Variants in TMC3 observed in about 807,000 individuals in gnomAD.
TMC3 encodes transmembrane channel like 3, also known as transmembrane channel-like protein 3.
A neutral mutation model predicts 110.6 loss-of-function variants in TMC3; 98 were observed. The observed-to-expected ratio is 0.89, with a 90% CI of 0.75 to 1.05. The LOEUF is 1.05. TMC3 is among the 50% of genes least tolerant of loss of function. TMC3 has a pLI of 0.00. For missense variants in TMC3, 1,319 were observed against 1,373.2 expected (o/e 0.96, Z 0.62); for synonymous variants, 489 against 513.1 (o/e 0.95, Z 0.63).
intron 3 of TMC3, among the ~76,000 whole-genome samples, chr15:81,363,690 C>G (rs1555429285): frequency 6.6e-6 from 1 of 152,228 alleles, no homozygotes; most frequent in Non-Finnish European, 1.5e-5. Flanking sequence ...AAATTCTCCT[C>G]TTTGTAAACT....
chr15:81,342,946 C>T (rs1224830768), intron 15 of TMC3: 1 of 234,744 alleles, frequency 4.3e-6, no homozygotes, highest in African/African-American at 2.3e-5. Flanking sequence ...CCCGCAGCCA[C>T]TCCTGAAGTC....
rs929833580 is a variant in TMC3 at position 81,332,119 on chromosome 15, C to G, written c.*300G>C. On this transcript the variant is annotated 3_prime_UTR_variant, in exon 22 of 22. Transcript: ENST00000359440. ...CCTCAGTCTCTCCTTCTGTCTTGAG[C>G]CCCTCTGCCAAATTCTTTCTTCCGA... is the stretch of plus-strand genomic sequence containing the variant. 6.2e-6 allele frequency: 2 copies of G among 325,018 alleles called. No homozygotes were observed. Among genetic ancestry groups the G allele is most frequent in the African/African-American group, 4.3e-5 (2 of 46,958 alleles). 20.1% of individuals were successfully genotyped at this position (325,018 alleles called of 1,614,324 possible).
intron 11 of TMC3, among the ~76,000 whole-genome samples, chr15:81,348,323 G>A (rs897732438): frequency 1.3e-5 from 2 of 152,254 alleles, no homozygotes; most frequent in Non-Finnish European, 2.9e-5. Context: ...AGACCAGGTT[G>A]AAGGTGAGAT....
At position 81,332,571 on chromosome 15, in the gene TMC3, C is replaced by G; in HGVS notation, c.3151G>C (p.Asp1051His). 4 of 1,613,966 alleles carry G rather than the reference C, an allele frequency of 2.5e-6. No individual in the cohort carries two copies. In the South Asian group the frequency reaches 4.4e-5, roughly 18 times the overall value. ...TGGTCAGCGCTGCTGTTCTGCTGGT[C>G]ACTGCTGGATGCTGCCGACACGGAG... ...SDSVSAASSS[D>H]QQNSSADQYL... The change falls in exon 22 of 22, where the codon GAC becomes CAC. Residue 1051 changes from aspartate (D) to histidine (H), a missense_variant. Asp to His is a moderately conservative substitution (Grantham distance 81). Coordinates refer to ENST00000359440, the MANE Select transcript of TMC3 (RefSeq NM_001080532.3).
rs183441621 is a variant in TMC3 at position 81,361,258 on chromosome 15, G to T, written c.394+962C>A. Among the ~76,000 whole-genome samples, 471 of 151,978 alleles carry T rather than the reference G, an allele frequency of 3.1e-3. 4 individuals carry two copies. Among genetic ancestry groups the T allele is most frequent in the African/African-American group, 0.011 (452 of 41,442 alleles). ...TTATGATTAGATATGTCTCCATTCT[G>T]CATTCATACCATCAATTTTAAGTGA... On this transcript the variant is annotated intron_variant, in intron 4 of 21. Coordinates refer to ENST00000359440, the MANE Select transcript of TMC3 (RefSeq NM_001080532.3).
intron 3 of TMC3, among the ~76,000 whole-genome samples, chr15:81,367,381 A>G (rs1207572707): frequency 1.3e-5 from 2 of 152,256 alleles, no homozygotes; most frequent in African/African-American, 4.8e-5. Context: ...ATAATTATGC[A>G]ATGACTGATG....
At chr15:81,368,879 T>C (rs1894374396) in intron 2 of TMC3, among the ~76,000 whole-genome samples, 1 of 151,494 alleles carries the variant, frequency 6.6e-6, no homozygotes, top group South Asian at 2.1e-4. Flanking sequence ...TAACCTGATA[T>C]CTCTGCCTAA....
rs1567058916 is a variant in TMC3, at chr15:81,331,782, G to A, written c.*637C>T. On this transcript the variant is annotated 3_prime_UTR_variant, in exon 22 of 22. Transcript: ENST00000359440. ...AAGAGACAAAATGGAGCATTCCCCT[G>A]GTAAGGGAAGAACCTCGAGTGAGCG... The A allele has an allele frequency of 6.6e-6, 1 of 152,032 alleles. No individual in the cohort carries two copies. Among genetic ancestry groups the A allele is most frequent in the Non-Finnish European group, 1.5e-5 (1 of 68,040 alleles). 9.4% of individuals were successfully genotyped at this position (152,032 alleles called of 1,614,324 possible). A position where few individuals can be genotyped will look rare whatever the true frequency, so the allele number is the denominator to read the frequency against.
Position 81,334,733 on chromosome 15 carries a change from G to A in TMC3, c.2446C>T (p.His816Tyr). The change falls in exon 21 of 22, where the codon CAT becomes TAT. Residue 816 changes from histidine (H) to tyrosine (Y), a missense_variant. Coordinates refer to ENST00000359440, the MANE Select transcript of TMC3 (RefSeq NM_001080532.3). ...LPGVPKSRLE[H>Y]ETNRYLHGLC... ...GTGGAGCCTCACCTGTTAGTTTCAT[G>A]CTCTAGCCTGGATTTGGGGACCCCA... is the stretch of plus-strand genomic sequence containing the variant. 2 of 1,613,856 alleles carry A rather than the reference G, an allele frequency of 1.2e-6. No individual in the cohort carries two copies. The highest frequency in any genetic ancestry group is 1.7e-6 in the Non-Finnish European group (2 of 1,179,798).
Position 81,368,246 on chromosome 15 carries a change from G to A in TMC3, c.312+7C>T, listed in dbSNP as rs1894360079. On this transcript the variant is annotated splice_region_variant and intron_variant, in intron 3 of 21. Transcript: ENST00000359440. ...CCGCGCCCAGCCACATGTGTGTTCT[G>A]TATTACCTCTGCACCTGCTGCTTGG... The A allele has an allele frequency of 6.2e-7, 1 of 1,611,844 alleles. No individual in the cohort carries two copies. The highest frequency in any genetic ancestry group is 8.5e-7 in the Non-Finnish European group (1 of 1,178,296).
rs557129291 is a variant in TMC3 at position 81,359,349 on chromosome 15, T to G, written c.501+16A>C. 2.6e-6 allele frequency: 4 copies of G among 1,566,860 alleles called. No individual in the cohort carries two copies. The East Asian group carries it at 9.1e-5, about 36-fold the overall frequency. ...CTCCTCTTTGTAATGAGTGGTACTTTCCTGAAACATCTTACCTCTGGAATG... is the reference window on the plus strand; with the variant it reads ...CTCCTCTTTGTAATGAGTGGTACTTGCCTGAAACATCTTACCTCTGGAATG... On this transcript the variant is annotated intron_variant, in intron 5 of 21. Coordinates refer to ENST00000359440, the MANE Select transcript of TMC3 (RefSeq NM_001080532.3).
chr15:81,361,271 C>G (rs1220562808), intron 4 of TMC3, among the ~76,000 whole-genome samples: 2 of 152,138 alleles, frequency 1.3e-5, no homozygotes, highest in African/African-American at 4.8e-5. Context: ...TTCATACCAT[C>G]AATTTTAAGT....
intron 10 of TMC3, among the ~76,000 whole-genome samples, chr15:81,350,049 C>A (rs913036252): frequency 1.3e-5 from 2 of 150,986 alleles, no homozygotes; most frequent in Admixed American, 6.6e-5. Flanking sequence ...GTGTTTAAGA[C>A]CAGCCAGGGC....
chr15:81,366,353 C>A (rs980063386), intron 3 of TMC3, among the ~76,000 whole-genome samples: 2 of 152,160 alleles, frequency 1.3e-5, no homozygotes, highest in African/African-American at 4.8e-5. Flanking sequence ...AAGGGGAGAA[C>A]AGCCAGTACA....
intron 2 of TMC3, among the ~76,000 whole-genome samples, chr15:81,372,051 A>G (rs1319047278): frequency 1.3e-5 from 2 of 152,192 alleles, no homozygotes; most frequent in Non-Finnish European, 2.9e-5. Context: ...ACTTTATTAT[A>G]TAGACAGACT....
intron 2 of TMC3, among the ~76,000 whole-genome samples, chr15:81,371,341 T>C (rs1474594214): frequency 6.6e-6 from 1 of 152,192 alleles, no homozygotes; most frequent in African/African-American, 2.4e-5. Flanking sequence ...TGGAAGAACA[T>C]TACCTGGAAT....
At chr15:81,352,386 T>C (rs1893969937) in intron 9 of TMC3, among the ~76,000 whole-genome samples, 1 of 152,154 alleles carries the variant, frequency 6.6e-6, no homozygotes, top group Non-Finnish European at 1.5e-5. Context: ...AGCTGAAAAA[T>C]TCCTATGGCC....
intron 2 of TMC3, among the ~76,000 whole-genome samples, chr15:81,370,739 A>G (rs1894415966): frequency 6.6e-6 from 1 of 150,956 alleles, no homozygotes; most frequent in African/African-American, 2.5e-5. Flanking sequence ...CAGTGGCACA[A>G]TCTTGGCTCA....
chr15:81,361,340 C>G (rs988029624), intron 4 of TMC3, among the ~76,000 whole-genome samples: 1 of 152,122 alleles, frequency 6.6e-6, no homozygotes, highest in Non-Finnish European at 1.5e-5. Context: ...GATATTTATG[C>G]AGTAGACTGA....
Sources: allele counts gnomAD v4.1 joint callset (sites outside exome capture counted in the v4.1 genomes callset), GRCh38; gene constraint gnomAD v4.1.1; transcripts MANE v1.5; gene names NCBI Gene and HGNC (gene_info 2026-07-23, HGNC 2026-07-21).